The following PTPRN2 variants were observed in gnomAD, a reference collection of about 807,000 sequenced individuals.
PTPRN2 encodes the protein receptor-type tyrosine-protein phosphatase N2.
PTPRN2 carries 74 observed loss-of-function variants against 118.8 expected under a neutral mutation model. The observed-to-expected ratio is 0.62, with a 90% CI of 0.52 to 0.76. The LOEUF is 0.76. Ranked by LOEUF, PTPRN2 falls within the 30% of genes least tolerant of loss-of-function variation. The pLI, the probability that PTPRN2 is intolerant of heterozygous loss-of-function variation, is 0.00. For missense variants in PTPRN2, 1,481 were observed against 1,394.4 expected (o/e 1.06, Z -0.99); for synonymous variants, 641 against 608.0 (o/e 1.05, Z -0.80).
chr7:158,462,620 G>C (rs78307473), intron 2 of PTPRN2, among the ~76,000 whole-genome samples: 13,525 of 152,206 alleles, frequency 0.089, 667 homozygotes, highest in Middle Eastern at 0.11. Flanking sequence ...AAAAAGGAGT[G>C]GTTCCTCAAT....
intron 1 of PTPRN2, among the ~76,000 whole-genome samples, chr7:158,568,956 T>C (rs1230824296): frequency 2.0e-5 from 3 of 152,042 alleles, no homozygotes; most frequent in African/African-American, 7.2e-5. Context: ...TGAGACCCCA[T>C]CTCTACAAAA....
At chr7:158,085,711 C>T (rs1470027335) in intron 10 of PTPRN2, among the ~76,000 whole-genome samples, 1 of 146,702 alleles carries the variant, frequency 6.8e-6, no homozygotes, top group Non-Finnish European at 1.5e-5. Context: ...TACCCATCCA[C>T]ACCCACGACG....
intron 12 of PTPRN2, among the ~76,000 whole-genome samples, chr7:157,765,735 AC>A (rs1802422971): frequency 8.1e-6 from 1 of 122,716 alleles, no homozygotes. Flanking sequence ...TTCACCCTTC[AC>A]CCATCCATCC....
At chr7:157,633,143 T>C in intron 14 of PTPRN2, among the ~76,000 whole-genome samples, 1 of 147,606 alleles carries the variant, frequency 6.8e-6, no homozygotes, top group East Asian at 1.9e-4. Flanking sequence ...TCTTTTCTTT[T>C]CTTTTTTTTT....
At chr7:158,273,713 A>G (rs1798707114) in intron 3 of PTPRN2, among the ~76,000 whole-genome samples, 1 of 136,082 alleles carries the variant, frequency 7.3e-6, no homozygotes, top group African/African-American at 2.9e-5. Flanking sequence ...GGGGAGCTGC[A>G]GACACAGGAG....
rs369667396 is a variant in PTPRN2, at chr7:158,171,495, C to T, written c.550-4204G>A. Among the ~76,000 whole-genome samples, 913 of 151,534 alleles carry T rather than the reference C, an allele frequency of 6.0e-3. 6 individuals are homozygous for T. The highest frequency in any genetic ancestry group is 0.021 in the African/African-American group (859 of 41,298). On this transcript the variant is annotated intron_variant, in intron 5 of 22. Coordinates refer to ENST00000389418, the MANE Select transcript of PTPRN2 (RefSeq NM_002847.5). ...TCCTGAGCAGCTGGGATTACAGGCA[C>T]GCGCCACCAGGCCCAGCTAACTTTT...
intron 10 of PTPRN2, among the ~76,000 whole-genome samples, chr7:158,085,573 ACCCT>A (rs1285522926): frequency 9.2e-6 from 1 of 108,336 alleles, no homozygotes; most frequent in Non-Finnish European, 1.8e-5. Context: ...GCCCATCCAC[ACCCT>A]CGACGCCCAT....
At chr7:158,227,327 G>T (rs1184445800) in intron 3 of PTPRN2, among the ~76,000 whole-genome samples, 4 of 152,174 alleles carry the variant, frequency 2.6e-5, no homozygotes, top group African/African-American at 9.7e-5. Context: ...GGGTGAGAGA[G>T]AGGCGGTATT....
At chr7:158,421,431 C>T (rs867315897) in intron 2 of PTPRN2, among the ~76,000 whole-genome samples, 2 of 152,198 alleles carry the variant, frequency 1.3e-5, no homozygotes, top group East Asian at 1.9e-4. Context: ...CAAAGTGCAT[C>T]GACAAAGCGA....
intron 3 of PTPRN2, among the ~76,000 whole-genome samples, chr7:158,255,134 C>A (rs558624026): frequency 2.0e-4 from 30 of 152,334 alleles, no homozygotes; most frequent in Non-Finnish European, 4.1e-4. Flanking sequence ...GAAGCCCCTG[C>A]AGGCTTCACG....
At chr7:157,605,424 C>A (rs749574590) in intron 15 of PTPRN2, among the ~76,000 whole-genome samples, 3 of 152,212 alleles carry the variant, frequency 2.0e-5, no homozygotes, top group Admixed American at 6.5e-5. Context: ...CAGGTCTGGG[C>A]TCCCTGAAGG....
intron 11 of PTPRN2, among the ~76,000 whole-genome samples, chr7:158,073,029 C>T (rs968519831): frequency 6.6e-6 from 1 of 152,096 alleles, no homozygotes; most frequent in Non-Finnish European, 1.5e-5. Context: ...ACTCCTGGGC[C>T]GACCACCAGG....
intron 2 of PTPRN2, among the ~76,000 whole-genome samples, chr7:158,353,425 C>G (rs1412931735): frequency 6.6e-6 from 1 of 152,214 alleles, no homozygotes; most frequent in Non-Finnish European, 1.5e-5. Context: ...TTACATTTGC[C>G]TAAGACCACA....
chr7:158,514,164 T>TA (rs1823376194), intron 1 of PTPRN2, among the ~76,000 whole-genome samples: 1 of 152,182 alleles, frequency 6.6e-6, no homozygotes, highest in Non-Finnish European at 1.5e-5. Flanking sequence ...CAGGGGGCCC[T>TA]AATCTTTCTC....
chr7:158,115,784 C>G (rs1816681611), intron 9 of PTPRN2, among the ~76,000 whole-genome samples: 1 of 152,180 alleles, frequency 6.6e-6, no homozygotes, highest in African/African-American at 2.4e-5. Flanking sequence ...GGACTCAGGA[C>G]AGCCCCAGGA....
chr7:158,475,904 T>C (rs1630862), intron 2 of PTPRN2, among the ~76,000 whole-genome samples: 66,273 of 152,010 alleles, frequency 0.44, 14,658 homozygotes, highest in African/African-American at 0.45. Flanking sequence ...CCAGAGTTCT[T>C]TCCTTAAAGT....
At chr7:158,330,804 A>C (rs1322260236) in intron 2 of PTPRN2, among the ~76,000 whole-genome samples, 1 of 112,078 alleles carries the variant, frequency 8.9e-6, no homozygotes, top group African/African-American at 2.9e-5. Flanking sequence ...CACTCTCACC[A>C]TAAGAGCTGA....
chr7:158,584,578 T>C (rs1828816625), intron 1 of PTPRN2, among the ~76,000 whole-genome samples: 2 of 152,014 alleles, frequency 1.3e-5, no homozygotes, highest in Non-Finnish European at 2.9e-5. Flanking sequence ...TCACAGATAA[T>C]TAATTAATGC....
chr7:157,672,579 T>C (rs1696770060), intron 13 of PTPRN2, among the ~76,000 whole-genome samples: 1 of 152,196 alleles, frequency 6.6e-6, no homozygotes, highest in African/African-American at 2.4e-5. Flanking sequence ...GATTGCGTTA[T>C]TGTCCACTCT....
Sources: gnomAD v4.1 joint callset for allele counts (sites outside exome capture counted in the v4.1 genomes callset) on GRCh38, gnomAD v4.1.1 for gene constraint, MANE v1.5 for transcripts, NCBI Gene and HGNC (gene_info 2026-07-23, HGNC 2026-07-21) for gene names.